The following MBP variants were observed in gnomAD, a reference collection of about 807,000 sequenced individuals.
MBP encodes the protein Golli-MBP.
MBP carries 16 observed loss-of-function variants against 35.8 expected under a neutral mutation model. That is an observed-to-expected ratio of 0.45 (90% CI 0.30 to 0.68). The LOEUF (loss-of-function observed/expected upper bound fraction) is 0.68. MBP is among the 30% of genes least tolerant of loss of function. MBP has a pLI of 0.08. For synonymous variants in MBP, 143 were observed against 159.6 expected (o/e 0.90, Z 0.78); for missense variants, 380 against 404.7 (o/e 0.94, Z 0.52).
At position 77,044,987 on chromosome 18, in the gene MBP, G is replaced by A. The variant is rs554853443; in HGVS notation, c.139+21311C>T. On this transcript the variant is annotated intron_variant, in intron 3 of 8. Coordinates refer to ENST00000355994, the MANE Select transcript of MBP (RefSeq NM_001025101.2). This position sits in a 1 kb window ranked among gnomAD's most constrained non-coding sequence, Gnocchi z 4.4. ...GTGTGTGAGTGTGGAGTGTGTGAGT[G>A]TTCAAGATTCCCTACATAACGGGAT... Among the ~76,000 whole-genome samples, 5 of 151,526 alleles carry A rather than the reference G, an allele frequency of 3.3e-5. 1 individual carries two copies. Among genetic ancestry groups the A allele is most frequent in the African/African-American group, 1.2e-4 (5 of 41,258 alleles).
intron 4 of MBP, chr18:77,014,956 TTTGA>T: frequency 1.0e-6 from 1 of 984,688 alleles, no homozygotes; most frequent in Non-Finnish European, 1.2e-6. Context: ...TTGAAAGTGT[TTTGA>T]TTTTTATGGG....
chr18:77,034,965 C>T (rs185032299), intron 3 of MBP, among the ~76,000 whole-genome samples: 4 of 152,316 alleles, frequency 2.6e-5, no homozygotes, highest in African/African-American at 4.8e-5. Flanking sequence ...AGCACTGCTC[C>T]GTGGCTAAAC....
chr18:77,085,008 A>G (rs970363842), intron 2 of MBP, among the ~76,000 whole-genome samples: 2 of 152,020 alleles, frequency 1.3e-5, no homozygotes, highest in African/African-American at 2.4e-5. Flanking sequence ...CTCTTTTACT[A>G]CAAGAGTTTG....
At chr18:76,987,407 C>T (rs1455494515) in intron 7 of MBP, 17 of 985,306 alleles carry the variant, frequency 1.7e-5, no homozygotes, top group Non-Finnish European at 1.8e-5. Context: ...TAATGGAAAA[C>T]GTTTCGGTAA....
In MBP at chr18:76,989,058, T is replaced by C. The variant is rs571799466; in HGVS notation, c.682-146A>G. On this transcript the variant is annotated intron_variant, in intron 5 of 8. Coordinates refer to ENST00000355994, the MANE Select transcript of MBP (RefSeq NM_001025101.2). This position sits in a 1 kb window ranked among gnomAD's most constrained non-coding sequence, Gnocchi z 4.0. ...CCCAGCCTCCCCACTTCTGTCCTAG[T>C]TGGTGAAGAAGTATAGACCTGAGAT... 5 of 778,782 alleles carry C rather than the reference T, an allele frequency of 6.4e-6. No homozygotes were observed. In the East Asian group the frequency reaches 1.2e-4, roughly 19 times the overall value. The allele number at this position is 778,782 out of a possible 1,614,324, so 48.2% of individuals were successfully genotyped here.
At chr18:77,091,018 G>A (rs924979122) in intron 2 of MBP, among the ~76,000 whole-genome samples, 1 of 152,220 alleles carries the variant, frequency 6.6e-6, no homozygotes, top group Non-Finnish European at 1.5e-5. Flanking sequence ...AGCCTGGGCT[G>A]TGCTCACAGG....
intron 1 of MBP, among the ~76,000 whole-genome samples, chr18:77,119,401 G>A (rs957239657): frequency 3.3e-5 from 5 of 152,138 alleles, no homozygotes; most frequent in African/African-American, 1.2e-4. Context: ...ACAGTCCACA[G>A]CACACAGCAG....
At chr18:76,994,541 G>A (rs2123203379) in intron 4 of MBP, among the ~76,000 whole-genome samples, 1 of 152,332 alleles carries the variant, frequency 6.6e-6, no homozygotes, top group Middle Eastern at 3.4e-3. Flanking sequence ...TGTGAATTAT[G>A]AATACTTGCT....
At chr18:77,091,352 A>G (rs1975513446) in intron 2 of MBP, among the ~76,000 whole-genome samples, 1 of 152,174 alleles carries the variant, frequency 6.6e-6, no homozygotes, top group South Asian at 2.1e-4. Flanking sequence ...TTTAGTAGCA[A>G]GGACTCTGTT....
intron 1 of MBP, among the ~76,000 whole-genome samples, chr18:77,123,261 T>C (rs1976944371): frequency 6.6e-6 from 1 of 152,326 alleles, no homozygotes; most frequent in East Asian, 1.9e-4. Flanking sequence ...TGAGTATCCA[T>C]AAACGTTCCT....
intron 3 of MBP, 198 bp downstream of exon 3, chr18:77,066,100 C>T (rs12327285): frequency 0.034 from 17,861 of 522,824 alleles, 1,076 homozygotes; most frequent in African/African-American, 0.17. Flanking sequence ...TGGGCTCAAG[C>T]GATCCTCTTG....
At chr18:77,014,171 G>A in intron 4 of MBP, 1 of 985,442 alleles carries the variant, frequency 1.0e-6, no homozygotes, top group South Asian at 4.7e-5. Flanking sequence ...GCCTTCTCAA[G>A]GAATTTTTAA....
chr18:77,053,291 G>C (rs1568314754), intron 3 of MBP, among the ~76,000 whole-genome samples: 2 of 152,230 alleles, frequency 1.3e-5, no homozygotes, highest in African/African-American at 4.8e-5. Flanking sequence ...CCCCACTGCA[G>C]GTCCAGCCAA....
intron 1 of MBP, among the ~76,000 whole-genome samples, chr18:77,107,022 G>A (rs141063218): frequency 3.9e-5 from 6 of 152,276 alleles, no homozygotes; most frequent in Admixed American, 6.5e-5. Flanking sequence ...GTGAGGTGTC[G>A]TTTGAACCCT....
At chr18:77,023,904 ACCAGGCTCT>A (rs1174177835) in intron 3 of MBP, among the ~76,000 whole-genome samples, 1 of 152,174 alleles carries the variant, frequency 6.6e-6, no homozygotes, top group Non-Finnish European at 1.5e-5. Context: ...AGGGCCAGGG[ACCAGGCTCT>A]GTTTATTCTC....
At chr18:77,097,662 G>C (rs756945018) in intron 2 of MBP, among the ~76,000 whole-genome samples, 3 of 152,174 alleles carry the variant, frequency 2.0e-5, no homozygotes, top group Non-Finnish European at 4.4e-5. Flanking sequence ...AGATCTCAGT[G>C]GGATGTGTTA....
At chr18:77,093,328 C>CGCAGGTGGG (rs1975619206) in intron 2 of MBP, 1 of 152,348 alleles carries the variant, frequency 6.6e-6, no homozygotes, top group Admixed American at 6.5e-5. Context: ...AGGAGAGAGC[C>CGCAGGTGGG]GCAGGTGGGG....
intron 1 of MBP, among the ~76,000 whole-genome samples, chr18:77,130,471 G>T (rs966712837): frequency 6.8e-6 from 1 of 147,548 alleles, no homozygotes; most frequent in African/African-American, 2.7e-5. Context: ...GTTATCCGAG[G>T]TGACAAACCG....
chr18:77,015,494 AAGGAAAAG>A (rs1164983573), intron 4 of MBP: 4 of 985,352 alleles, frequency 4.1e-6, no homozygotes, highest in Admixed American at 6.1e-5. Flanking sequence ...GACTGCTACA[AAGGAAAAG>A]AACATGTCTA....
Sources: allele counts gnomAD v4.1 joint callset (sites outside exome capture counted in the v4.1 genomes callset), GRCh38; gene constraint gnomAD v4.1.1; non-coding constraint Gnocchi (gnomAD v3.1); transcripts MANE v1.5; gene names NCBI Gene and HGNC (gene_info 2026-07-23, HGNC 2026-07-21).